TEK: variants seen among roughly 807,000 people sequenced by gnomAD.
The protein encoded by TEK is angiopoietin-1 receptor.
Under a neutral mutation model 131.8 loss-of-function variants are expected in TEK, and 43 were observed. That is an observed-to-expected ratio of 0.33 (90% CI 0.26 to 0.42). The LOEUF (loss-of-function observed/expected upper bound fraction) is 0.42, where lower values mean the gene tolerates loss of function less well. Ranked by LOEUF, TEK falls within the 10% of genes least tolerant of loss-of-function variation. The pLI is 1.00. For synonymous variants in TEK, 580 were observed against 491.6 expected, an observed-to-expected ratio of 1.18 and a Z score of -2.38; for missense variants, 1,162 against 1,384.4, an observed-to-expected ratio of 0.84 and a Z score of 2.55.
chr9:27,174,667 T>C (rs1449737695), intron 6 of TEK, among the ~76,000 whole-genome samples: 1 of 152,046 alleles, frequency 6.6e-6, no homozygotes, highest in African/African-American at 2.4e-5. Context: ...TACACAAAAG[T>C]AAGCTTCAGC....
intron 16 of TEK, among the ~76,000 whole-genome samples, chr9:27,211,179 A>ATATGAATATATGTATT (rs1825607127): frequency 7.8e-6 from 1 of 128,858 alleles, no homozygotes; most frequent in East Asian, 2.2e-4. Context: ...GTGTATATAT[A>ATATGAATATATGTATT]TATATGAATA....
chr9:27,221,609 A>ATCCAGGCAGACAGGGTCTGGAGTGGACC (rs1470637058), intron 21 of TEK, among the ~76,000 whole-genome samples: 1 of 152,220 alleles, frequency 6.6e-6, no homozygotes, highest in Non-Finnish European at 1.5e-5. Context: ...TGCTAGTGAT[A>ATCCAGGCAGACAGGGTCTGGAGTGGACC]TCCAGGCAGA....
At chr9:27,180,116 C>T (rs1824308371) in intron 6 of TEK, 124 bp from the exon 7 acceptor site, 7 of 1,384,836 alleles carry the variant, frequency 5.1e-6, no homozygotes, top group Admixed American at 1.8e-5. Flanking sequence ...GATAAATTAC[C>T]CCCTACCTTA....
intron 18 of TEK, among the ~76,000 whole-genome samples, chr9:27,214,310 G>A (rs1825740235): frequency 6.6e-6 from 1 of 152,196 alleles, no homozygotes; most frequent in Admixed American, 6.5e-5. Flanking sequence ...TGGGTGGGCA[G>A]AATGCAGGGG....
intron 12 of TEK, among the ~76,000 whole-genome samples, 178 bp from the exon 13 acceptor site, chr9:27,202,642 C>T (rs567794983): frequency 6.6e-6 from 1 of 152,328 alleles, no homozygotes; most frequent in South Asian, 2.1e-4. Flanking sequence ...ATTTCTCTGT[C>T]TGTGCCACTC....
chr9:27,125,139 C>T (rs1023416660), intron 1 of TEK, among the ~76,000 whole-genome samples: 2 of 152,218 alleles, frequency 1.3e-5, no homozygotes, highest in African/African-American at 2.4e-5. Flanking sequence ...GTGCTTTTCA[C>T]ACAAACCATC....
At chr9:27,185,426 G>T in intron 8 of TEK, 59 bp from the exon 9 acceptor site, 1 of 1,593,376 alleles carries the variant, frequency 6.3e-7, no homozygotes. Flanking sequence ...TCAATGTTAT[G>T]GACCTTTGCG....
At chr9:27,164,507 G>A (rs377646033) in intron 2 of TEK, among the ~76,000 whole-genome samples, 5 of 152,008 alleles carry the variant, frequency 3.3e-5, no homozygotes, top group Non-Finnish European at 7.4e-5. Flanking sequence ...TTTTAGTAGA[G>A]ATGGAGTTTC....
At chr9:27,173,117 A>G in intron 5 of TEK, 105 bp from the exon 6 acceptor site, 1 of 1,462,096 alleles carries the variant, frequency 6.8e-7, no homozygotes, top group Admixed American at 1.8e-5. Flanking sequence ...CTGAGATTTG[A>G]CTGTTTCCCA....
intron 9 of TEK, among the ~76,000 whole-genome samples, chr9:27,186,000 T>C (rs1267205241): frequency 6.6e-6 from 1 of 152,232 alleles, no homozygotes; most frequent in African/African-American, 2.4e-5. Context: ...GCACAACATA[T>C]CTGGTAGTGA....
rs372200625 is a variant in TEK, at chr9:27,138,035, G to A, written c.53-19796G>A. 4.1e-3 allele frequency among the ~76,000 whole-genome samples: 628 copies of A among 152,284 alleles called. 3 individuals are homozygous for A. Among genetic ancestry groups the A allele is most frequent in the African/African-American group, 0.014 (597 of 41,536 alleles). ...GCAAACCTTCCCAGTGAGTGTTACA[G>A]CTCTTAAAGGTGGCGCATCCAGAGT... On this transcript the variant is annotated intron_variant, in intron 1 of 22. Transcript: ENST00000380036.
At chr9:27,191,053 T>C (rs1327865136) in intron 10 of TEK, among the ~76,000 whole-genome samples, 1 of 152,204 alleles carries the variant, frequency 6.6e-6, no homozygotes, top group African/African-American at 2.4e-5. Context: ...CAGAGCCTGC[T>C]GGAAGGGCAG....
At chr9:27,195,055 C>T (rs4879251) in intron 11 of TEK, among the ~76,000 whole-genome samples, 12,514 of 152,074 alleles carry the variant, frequency 0.082, 648 homozygotes, top group Admixed American at 0.16. Flanking sequence ...ATATCAACTC[C>T]CCATTCTCCT....
In TEK at chr9:27,172,753, TAAAG is replaced by T. The variant is rs775016509; in HGVS notation, c.760+8_760+11del. ...GGGAAGGACGTGTGAGAAGGGTAAG[TAAAG>T]AGACTTGATAAGTAAGCTGTGGATT... On this transcript the variant is annotated splice_region_variant and intron_variant, in intron 5 of 22. Coordinates refer to ENST00000380036, the MANE Select transcript of TEK (RefSeq NM_000459.5). 1 of 1,613,258 alleles carries T rather than the reference TAAAG, an allele frequency of 6.2e-7. No homozygotes were observed. Among genetic ancestry groups the T allele is most frequent in the South Asian group, 1.1e-5 (1 of 91,024 alleles).
intron 21 of TEK, among the ~76,000 whole-genome samples, chr9:27,221,633 GGACCTCCAGCCAACTCCAGCA>G (rs1281897340): frequency 6.6e-6 from 1 of 152,072 alleles, no homozygotes; most frequent in Non-Finnish European, 1.5e-5. Flanking sequence ...GGTCTGGAGT[GGACCTCCAGCCAACTCCAGCA>G]GACCTTCAGC....
chr9:27,120,890 G>A (rs1386386828), intron 1 of TEK, among the ~76,000 whole-genome samples: 1 of 152,204 alleles, frequency 6.6e-6, no homozygotes, highest in Non-Finnish European at 1.5e-5. Context: ...ACTTGCCTTT[G>A]TCATAATACT....
chr9:27,212,128 GAAACTAAC>G, intron 16 of TEK, among the ~76,000 whole-genome samples: 1 of 152,062 alleles, frequency 6.6e-6, no homozygotes, highest in South Asian at 2.1e-4. Flanking sequence ...TGCAATCTTT[GAAACTAAC>G]CTCTGGTGGC....
chr9:27,173,723 GTT>G (rs71492737), intron 6 of TEK, among the ~76,000 whole-genome samples: 1 of 92,068 alleles, frequency 1.1e-5, no homozygotes, highest in Admixed American at 1.2e-4. Context: ...TAGAAGACTT[GTT>G]TTTTTTTTTT....
intron 2 of TEK, among the ~76,000 whole-genome samples, chr9:27,166,101 G>T (rs1353258495): frequency 6.6e-6 from 1 of 152,262 alleles, no homozygotes; most frequent in Non-Finnish European, 1.5e-5. Flanking sequence ...AAGGTCCTCA[G>T]CAGGATCCCT....
Sources: allele counts gnomAD v4.1 joint callset (sites outside exome capture counted in the v4.1 genomes callset), GRCh38; gene constraint gnomAD v4.1.1; transcripts MANE v1.5; gene names NCBI Gene and HGNC (gene_info 2026-07-23, HGNC 2026-07-21).